Variants in NTRK3 observed in about 807,000 individuals in gnomAD.
NTRK3 encodes the protein neurotrophic receptor tyrosine kinase 3, also known as NT-3 growth factor receptor.
In NTRK3, 24 loss-of-function variants were observed where a neutral mutation model predicts 91.7. The ratio of observed to expected loss-of-function variants is 0.26; its 90% CI spans 0.19 to 0.37. The LOEUF (loss-of-function observed/expected upper bound fraction) is 0.37. Among genes scored for constraint, NTRK3 ranks in the 10% least tolerant of loss-of-function variants. The pLI, the probability that NTRK3 is intolerant of heterozygous loss-of-function variation, is 1.00. For missense variants in NTRK3, 880 were observed against 1,068.9 expected, an observed-to-expected ratio of 0.82 and a Z score of 2.46; for synonymous variants, 483 against 404.0, an observed-to-expected ratio of 1.20 and a Z score of -2.34.
chr15:87,869,111 A>G (rs1197764601), exon 19 of NTRK3: 1 of 228,838 alleles, frequency 4.4e-6, no homozygotes, highest in African/African-American at 2.2e-5. Context: ...CAGTTCCCTC[A>G]GGGGAAACCC....
At chr15:88,245,005 G>C (rs567353574) in intron 3 of NTRK3, among the ~76,000 whole-genome samples, 2 of 152,294 alleles carry the variant, frequency 1.3e-5, no homozygotes, top group African/African-American at 4.8e-5. Context: ...GCTTTGCCTG[G>C]GACACTCTGA....
chr15:87,996,523 G>A (rs1405445220), intron 14 of NTRK3, among the ~76,000 whole-genome samples: 1 of 152,134 alleles, frequency 6.6e-6, no homozygotes, highest in East Asian at 1.9e-4. Context: ...GCTGCTCCAG[G>A]GTTCTCCAGT....
At chr15:87,964,067 G>C (rs756403398) in intron 14 of NTRK3, among the ~76,000 whole-genome samples, 1 of 152,130 alleles carries the variant, frequency 6.6e-6, no homozygotes, top group South Asian at 2.1e-4. Flanking sequence ...GTGGGGAAGG[G>C]ATTATCCTAA....
intron 14 of NTRK3, among the ~76,000 whole-genome samples, chr15:88,020,752 G>A (rs1373225013): frequency 1.3e-5 from 2 of 152,178 alleles, no homozygotes; most frequent in African/African-American, 2.4e-5. Context: ...GCTGGGACCT[G>A]GGTCTAAGGC....
At chr15:88,111,405 A>G (rs973424435) in intron 13 of NTRK3, among the ~76,000 whole-genome samples, 8 of 152,244 alleles carry the variant, frequency 5.3e-5, no homozygotes, top group African/African-American at 1.9e-4. Context: ...AAAAGGCCCC[A>G]TTAACCCGCA....
intron 14 of NTRK3, chr15:87,979,515 A>C: frequency 7.9e-7 from 1 of 1,261,642 alleles, no homozygotes; most frequent in Non-Finnish European, 1.1e-6. Context: ...TAAAGTAAAA[A>C]CCAAAACCCC....
intron 17 of NTRK3, chr15:87,925,441 GCACACA>G (rs61582719): frequency 2.6e-4 from 47 of 181,024 alleles, no homozygotes; most frequent in East Asian, 1.5e-3. Flanking sequence ...ACACGTGTAT[GCACACA>G]CACACACACA....
chr15:88,108,204 C>T (rs535319176), intron 13 of NTRK3, among the ~76,000 whole-genome samples: 1 of 152,322 alleles, frequency 6.6e-6, no homozygotes, highest in African/African-American at 2.4e-5. Flanking sequence ...CTGTATCCCA[C>T]AGTGCCTACC....
At chr15:87,916,433 C>T (rs1476202174) in intron 17 of NTRK3, 22 of 692,590 alleles carry the variant, frequency 3.2e-5, no homozygotes, top group Non-Finnish European at 5.8e-5. Context: ...CAATGGTCTC[C>T]TTCAGCCTTT....
At chr15:87,986,033 C>A (rs553803167) in intron 14 of NTRK3, among the ~76,000 whole-genome samples, 7 of 152,186 alleles carry the variant, frequency 4.6e-5, no homozygotes, top group Non-Finnish European at 1.0e-4. Context: ...AATCATAATA[C>A]TTCATAAGCC....
rs79088636 is a variant in NTRK3 at position 88,031,551 on chromosome 15, G to A, written c.1585+1306C>T. Among the ~76,000 whole-genome samples the A allele has an allele frequency of 1.1e-3, 167 of 152,244 alleles. 3 individuals carry two copies. The East Asian group carries it at 0.024, about 22-fold the overall frequency. On this transcript the variant is annotated intron_variant, in intron 14 of 18. Transcript: ENST00000394480. The stretch of plus-strand genomic sequence containing the variant: ...AGGTATCTCTCTTCCTTGCCCAGCC[G>A]TGGTTCAGAACCCAGATGTCCTTTT...
intron 13 of NTRK3, among the ~76,000 whole-genome samples, chr15:88,046,817 T>C (rs1291087683): frequency 6.6e-6 from 1 of 152,214 alleles, no homozygotes; most frequent in African/African-American, 2.4e-5. Context: ...ATATAAGCAT[T>C]TCATTCGAAC....
chr15:87,885,015 T>G (rs1340925752), intron 17 of NTRK3, among the ~76,000 whole-genome samples: 1 of 151,902 alleles, frequency 6.6e-6, no homozygotes, highest in Non-Finnish European at 1.5e-5. Flanking sequence ...GATATGACTA[T>G]TCAAGACAAT....
exon 3 of NTRK3, chr15:88,256,058 G>A: frequency 2.5e-6 from 4 of 1,613,522 alleles, no homozygotes; most frequent in Non-Finnish European, 3.4e-6. Flanking sequence ...AATTTGCAGG[G>A]CAAGCCAGCA....
intron 14 of NTRK3, among the ~76,000 whole-genome samples, chr15:87,988,120 T>C (rs1427239897): frequency 6.6e-6 from 1 of 152,150 alleles, no homozygotes; most frequent in Non-Finnish European, 1.5e-5. Context: ...GTAATGAGGG[T>C]TAGCATCATC....
intron 14 of NTRK3, among the ~76,000 whole-genome samples, chr15:87,992,580 C>A (rs2075374144): frequency 6.6e-6 from 1 of 152,308 alleles, no homozygotes; most frequent in Middle Eastern, 3.4e-3. Flanking sequence ...AACCAACAAC[C>A]AATATCTATA....
At chr15:88,029,031 G>A (rs959718585) in intron 14 of NTRK3, among the ~76,000 whole-genome samples, 1 of 152,188 alleles carries the variant, frequency 6.6e-6, no homozygotes, top group African/African-American at 2.4e-5. Context: ...ATCTGGACTG[G>A]TCCCTTGACT....
chr15:88,185,053 G>A (rs2046837805), intron 3 of NTRK3, among the ~76,000 whole-genome samples: 1 of 152,224 alleles, frequency 6.6e-6, no homozygotes, highest in Non-Finnish European at 1.5e-5. Flanking sequence ...AGTCTCTCAT[G>A]TCTTCATTTG....
chr15:87,937,608 A>G (rs1444502430), intron 15 of NTRK3, among the ~76,000 whole-genome samples: 1 of 152,156 alleles, frequency 6.6e-6, no homozygotes, highest in Non-Finnish European at 1.5e-5. Context: ...GAAGAAATAT[A>G]ATGCTAAATC....
Sources: gnomAD v4.1 joint callset for allele counts (sites outside exome capture counted in the v4.1 genomes callset) on GRCh38, gnomAD v4.1.1 for gene constraint, MANE v1.5 for transcripts, NCBI Gene and HGNC (gene_info 2026-07-23, HGNC 2026-07-21) for gene names.